AGO4: variants seen among roughly 807,000 people sequenced by gnomAD.
AGO4 encodes argonaute RISC component 4.
A neutral mutation model predicts 104.7 loss-of-function variants in AGO4; 33 were observed. The ratio of observed to expected loss-of-function variants is 0.32; its 90% CI spans 0.24 to 0.42. The LOEUF (loss-of-function observed/expected upper bound fraction) is 0.42, where lower values mean the gene tolerates loss of function less well. Ranked by LOEUF, AGO4 falls within the 10% of genes least tolerant of loss-of-function variation. The pLI is 1.00. For synonymous variants in AGO4, 331 were observed against 364.7 expected, an observed-to-expected ratio of 0.91 and a Z score of 1.05; for missense variants, 711 against 1,083.4, an observed-to-expected ratio of 0.66 and a Z score of 4.83.
intron 16 of AGO4, 125 bp from the exon 17 acceptor site, chr1:35,850,729 C>A: frequency 1.3e-6 from 1 of 774,994 alleles, no homozygotes; most frequent in Non-Finnish European, 1.9e-6. Context: ...TTCTGTGAAC[C>A]AAGATCGTAC....
chr1:35,850,393 T>C (rs1011268842), intron 16 of AGO4, 135 bp downstream of exon 16: 9 of 758,824 alleles, frequency 1.2e-5, no homozygotes, highest in South Asian at 2.9e-5. Context: ...TATCTTTTGG[T>C]CTAGGTATCT....
Position 35,850,339 on chromosome 1 carries a change from A to G in AGO4, c.2277+81A>G, listed in dbSNP as rs1644669657. 7 of 1,041,632 alleles carry G rather than the reference A, an allele frequency of 6.7e-6. 1 individual carries two copies. Among genetic ancestry groups the G allele is most frequent in the South Asian group, 5.1e-5 (4 of 79,136 alleles). 64.5% of individuals were successfully genotyped at this position (1,041,632 alleles called of 1,614,324 possible). A position where few individuals can be genotyped will look rare whatever the true frequency, so the allele number is the denominator to read the frequency against. ...AGCAACTAGCTTGAGTCGACTTGTTATTTAACACCGTGCCTAACTTTGTTA... is the reference window on the plus strand; with the variant it reads ...AGCAACTAGCTTGAGTCGACTTGTTGTTTAACACCGTGCCTAACTTTGTTA... On this transcript the variant is annotated intron_variant, in intron 16 of 17. Coordinates refer to ENST00000373210, the MANE Select transcript of AGO4 (RefSeq NM_017629.4).
chr1:35,826,711 A>T, intron 6 of AGO4, 37 bp from the exon 7 acceptor site: 1 of 1,536,388 alleles, frequency 6.5e-7, no homozygotes, highest in Non-Finnish European at 9.0e-7. Context: ...CTGTGATTTT[A>T]ATTAACTGAT....
intron 1 of AGO4, among the ~76,000 whole-genome samples, chr1:35,813,267 G>A (rs759298030): frequency 2.6e-5 from 4 of 151,876 alleles, no homozygotes; most frequent in Non-Finnish European, 4.4e-5. Context: ...AAATTAGCCG[G>A]GCATGGCAGC....
At chr1:35,826,909 A>G in intron 7 of AGO4, 74 bp downstream of exon 7, 1 of 1,510,038 alleles carries the variant, frequency 6.6e-7, no homozygotes, top group Middle Eastern at 1.7e-4. Context: ...TGTTTTAAGA[A>G]ATTGGTTATT....
In AGO4 at chr1:35,841,798, A is replaced by T. The variant is rs763067046; in HGVS notation, c.2175+48A>T. On this transcript the variant is annotated intron_variant, in intron 15 of 17. Coordinates refer to ENST00000373210, the MANE Select transcript of AGO4 (RefSeq NM_017629.4). This position sits in a 1 kb window ranked among gnomAD's most constrained non-coding sequence, Gnocchi z 4.7. Reference sequence around the variant, plus strand: ...TTGTTATCTGAGGCTCTGGCAAGAGATGTATATATGCACATATATATATAT... The same window carrying T: ...TTGTTATCTGAGGCTCTGGCAAGAGTTGTATATATGCACATATATATATAT... 6.9e-7 allele frequency: 1 copy of T among 1,452,662 alleles called. No individual in the cohort carries two copies. The highest frequency in any genetic ancestry group is 9.4e-7 in the Non-Finnish European group (1 of 1,064,396). 90.0% of individuals were successfully genotyped at this position (1,452,662 alleles called of 1,614,324 possible). A position where few individuals can be genotyped will look rare whatever the true frequency, so the allele number is the denominator to read the frequency against.
rs763356710 is a variant in AGO4, at chr1:35,817,033, T to C, written c.171T>C (p.Pro57=). 17 of 1,607,078 alleles carry C rather than the reference T, an allele frequency of 1.1e-5. No individual in the cohort carries two copies. Among genetic ancestry groups the C allele is most frequent in the Non-Finnish European group, 1.4e-5 (17 of 1,176,138 alleles). ...YDVDIKPEKR[P]RRVNREVVDT... ...TGGATATTAAGCCTGAAAAACGGCC[T>C]CGTAGAGTCAACAGGTAAGGATTAG... Residue 57 remains proline, a synonymous_variant, in exon 2 of 18, where the codon CCT becomes CCC. Transcript: ENST00000373210.
chr1:35,808,790 G>A lies in AGO4; in HGVS notation c.19+355G>A, dbSNP rs539007220. On this transcript the variant is annotated intron_variant, in intron 1 of 17. Transcript: ENST00000373210. The surrounding 1 kb of genome is among the most constrained non-coding windows in gnomAD (Gnocchi z 5.2). Reference sequence around the variant, plus strand: ...GGCGATCCGCTACCCAGTGCGCGCGGAGGCCTGGCCCAGACCGGGAAAAGG... The same window carrying A: ...GGCGATCCGCTACCCAGTGCGCGCGAAGGCCTGGCCCAGACCGGGAAAAGG... Among the ~76,000 whole-genome samples the A allele has an allele frequency of 3.3e-5, 5 of 152,328 alleles. No individual in the cohort carries two copies. The highest frequency in any genetic ancestry group is 2.6e-4 in the Admixed American group (4 of 15,306).
intron 2 of AGO4, 107 bp from the exon 3 acceptor site, chr1:35,822,755 T>G (rs1236004157): frequency 7.8e-6 from 11 of 1,411,490 alleles, no homozygotes; most frequent in Non-Finnish European, 1.1e-5. Flanking sequence ...ACTCTTACTT[T>G]TTCCAAGTAA....
chr1:35,819,165 G>A (rs1028935117), intron 2 of AGO4, among the ~76,000 whole-genome samples: 2 of 152,102 alleles, frequency 1.3e-5, no homozygotes, highest in African/African-American at 2.4e-5. Context: ...TCAATTCCAG[G>A]GTTTATGTCC....
chr1:35,808,346 C>T lies in AGO4; in HGVS notation c.-71C>T. The T allele has an allele frequency of 1.1e-6, 1 of 913,866 alleles. No individual in the cohort carries two copies. The highest frequency in any genetic ancestry group is 1.3e-6 in the Non-Finnish European group (1 of 760,626). 56.6% of individuals were successfully genotyped at this position (913,866 alleles called of 1,614,324 possible). ...CCGGAGATCAAGCGTTACGCGGCGG[C>T]GGCGGCGGCGGCGGCGGGGCCCGGA... On this transcript the variant is annotated 5_prime_UTR_variant, in exon 1 of 18. Coordinates refer to ENST00000373210, the MANE Select transcript of AGO4 (RefSeq NM_017629.4). The surrounding 1 kb of genome is among the most constrained non-coding windows in gnomAD (Gnocchi z 5.2).
chr1:35,809,531 TTAAAG>T (rs1362648850), intron 1 of AGO4, among the ~76,000 whole-genome samples: 1 of 152,202 alleles, frequency 6.6e-6, no homozygotes, highest in African/African-American at 2.4e-5. Flanking sequence ...AATTTGCTTC[TTAAAG>T]TATTGTTTAA....
chr1:35,847,222 A>G (rs1449116618), intron 15 of AGO4, among the ~76,000 whole-genome samples: 1 of 151,618 alleles, frequency 6.6e-6, no homozygotes. Context: ...GAAAGTCTAC[A>G]AATTTGTTTT....
rs1643864213 is a variant in AGO4 at position 35,820,250 on chromosome 1, G to T, written c.186-2612G>T. On this transcript the variant is annotated intron_variant, in intron 2 of 17. Coordinates refer to ENST00000373210, the MANE Select transcript of AGO4 (RefSeq NM_017629.4). ...CTTGAGAAAGTTCAAGGGAGAAAGG[G>T]GAAGAGGAATTACAGACAACTCCTT... Among the ~76,000 whole-genome samples the T allele has an allele frequency of 2.0e-5, 3 of 152,138 alleles. No individual in the cohort carries two copies. The South Asian group carries it at 6.2e-4, about 32-fold the overall frequency.
chr1:35,851,113 A>T, intron 17 of AGO4, 60 bp downstream of exon 17: 4 of 1,488,436 alleles, frequency 2.7e-6, no homozygotes, highest in Non-Finnish European at 3.6e-6. Context: ...AAAAAAAATG[A>T]GCTACAATAG....
intron 12 of AGO4, 96 bp downstream of exon 12, chr1:35,834,270 C>G: frequency 9.0e-7 from 1 of 1,107,910 alleles, no homozygotes; most frequent in Non-Finnish European, 1.2e-6. Context: ...AAACCTCAAA[C>G]TCTCAGTGGT....
intron 7 of AGO4, among the ~76,000 whole-genome samples, chr1:35,829,913 A>C (rs1032751158): frequency 2.0e-5 from 3 of 150,934 alleles, no homozygotes; most frequent in Non-Finnish European, 4.4e-5. Flanking sequence ...TAATCCCAAC[A>C]CTTTGGGAGG....
rs1644761079 is a variant in AGO4 at position 35,853,756 on chromosome 1, A to G, written c.*151A>G. On this transcript the variant is annotated 3_prime_UTR_variant, in exon 18 of 18. Transcript: ENST00000373210. Reference sequence around the variant, plus strand: ...TTGCACTGAATCTATACTTTGCAGCACTGTCTGATGCGTCAACAAAATTGA... The same window carrying G: ...TTGCACTGAATCTATACTTTGCAGCGCTGTCTGATGCGTCAACAAAATTGA... The G allele has an allele frequency of 1.7e-6, 1 of 588,368 alleles. No homozygotes were observed. Among genetic ancestry groups the G allele is most frequent in the Non-Finnish European group, 3.0e-6 (1 of 331,548 alleles). The allele number at this position is 588,368 out of a possible 1,614,324, so 36.4% of individuals were successfully genotyped here.
intron 7 of AGO4, among the ~76,000 whole-genome samples, chr1:35,828,895 A>G (rs992549871): frequency 6.6e-6 from 1 of 152,188 alleles, no homozygotes; most frequent in Non-Finnish European, 1.5e-5. Context: ...TTTAAAAATT[A>G]TATCTGTATC....
Sources: gnomAD v4.1 joint callset for allele counts (sites outside exome capture counted in the v4.1 genomes callset) on GRCh38, gnomAD v4.1.1 for gene constraint, Gnocchi (gnomAD v3.1) non-coding constraint, MANE v1.5 for transcripts, NCBI Gene and HGNC (gene_info 2026-07-23, HGNC 2026-07-21) for gene names.